The following PIK3AP1 variants were observed in gnomAD, a reference collection of about 807,000 sequenced individuals.
PIK3AP1 encodes the protein phosphoinositide-3-kinase adaptor protein 1.
In PIK3AP1, 21 loss-of-function variants were observed where a neutral mutation model predicts 88.1. The observed-to-expected ratio is 0.24, with a 90% CI of 0.17 to 0.34. The LOEUF (loss-of-function observed/expected upper bound fraction) is 0.34, where lower values mean the gene tolerates loss of function less well. Ranked by LOEUF, PIK3AP1 falls within the 10% of genes least tolerant of loss-of-function variation. The pLI, the probability that PIK3AP1 is intolerant of heterozygous loss-of-function variation, is 1.00. For synonymous variants in PIK3AP1, 398 were observed against 400.0 expected, an observed-to-expected ratio of 1.00 and a Z score of 0.06; for missense variants, 828 against 1,035.7, an observed-to-expected ratio of 0.80 and a Z score of 2.75.
chr10:96,692,405 A>C (rs1172473), intron 2 of PIK3AP1, among the ~76,000 whole-genome samples: 90,271 of 151,852 alleles, frequency 0.59, 29,160 homozygotes, highest in African/African-American at 0.87. Flanking sequence ...GAAACCCCAT[A>C]TCTACTAAAA....
At chr10:96,665,130 C>A (rs1843743769) in intron 2 of PIK3AP1, among the ~76,000 whole-genome samples, 1 of 152,192 alleles carries the variant, frequency 6.6e-6, no homozygotes, top group Admixed American at 6.5e-5. Context: ...ATTAAGATGC[C>A]AGTAGCATCC....
intron 8 of PIK3AP1, among the ~76,000 whole-genome samples, chr10:96,634,716 T>C (rs933763322): frequency 2.0e-5 from 3 of 152,182 alleles, no homozygotes; most frequent in Non-Finnish European, 4.4e-5. Context: ...ACTTAGTTGG[T>C]ATATTAGTTT....
intron 15 of PIK3AP1, among the ~76,000 whole-genome samples, chr10:96,602,812 G>A (rs910375533): frequency 1.3e-5 from 2 of 152,176 alleles, no homozygotes; most frequent in Non-Finnish European, 2.9e-5. Context: ...CCCAAATTGG[G>A]CCAACTTGGA....
chr10:96,629,540 G>A (rs1843208715), intron 8 of PIK3AP1, among the ~76,000 whole-genome samples: 1 of 151,352 alleles, frequency 6.6e-6, no homozygotes, highest in South Asian at 2.1e-4. Flanking sequence ...TACCCAAAGG[G>A]GGCAAAATTA....
chr10:96,601,196 G>A (rs1431178911), intron 16 of PIK3AP1, among the ~76,000 whole-genome samples: 3 of 152,090 alleles, frequency 2.0e-5, no homozygotes, highest in Non-Finnish European at 4.4e-5. Context: ...AATTGAGGCT[G>A]GGCATGGTGG....
chr10:96,620,607 C>T (rs1367510870), intron 11 of PIK3AP1, 50 bp from the exon 12 acceptor site: 1 of 1,503,182 alleles, frequency 6.7e-7, no homozygotes, highest in African/African-American at 1.4e-5. Flanking sequence ...CTGGGGACCA[C>T]TCACCAGAAG....
At chr10:96,653,233 C>T (rs1179307355) in intron 3 of PIK3AP1, among the ~76,000 whole-genome samples, 4 of 151,436 alleles carry the variant, frequency 2.6e-5, no homozygotes, top group Admixed American at 6.6e-5. Context: ...GGTGAAACCC[C>T]GCCTCTACTA....
At chr10:96,694,649 T>C (rs1844197999) in intron 2 of PIK3AP1, among the ~76,000 whole-genome samples, 1 of 150,392 alleles carries the variant, frequency 6.6e-6, no homozygotes, top group African/African-American at 2.4e-5. Flanking sequence ...TCCTCCCACC[T>C]CAGTCTCTCA....
intron 8 of PIK3AP1, among the ~76,000 whole-genome samples, chr10:96,638,192 G>T (rs1843337971): frequency 6.6e-6 from 1 of 152,144 alleles, no homozygotes. Context: ...CTCATGAATG[G>T]ATTAATGTTG....
intron 11 of PIK3AP1, among the ~76,000 whole-genome samples, chr10:96,622,298 CAT>C (rs1843094770): frequency 6.6e-6 from 1 of 152,220 alleles, no homozygotes; most frequent in South Asian, 2.1e-4. Flanking sequence ...AGCCAACCCT[CAT>C]CTCTCTACAG....
In PIK3AP1 at chr10:96,709,989, C is replaced by G; in HGVS notation, c.14-6G>C. 1 of 1,572,016 alleles carries G rather than the reference C, an allele frequency of 6.4e-7. No homozygotes were observed. Among genetic ancestry groups the G allele is most frequent in the Non-Finnish European group, 8.7e-7 (1 of 1,153,202 alleles). ...GTCGCATCCTCTGGGCACCCCTGGA[C>G]AAGAATGAGGCACAGAAGCATGTTA... On this transcript the variant is annotated splice_region_variant and splice_polypyrimidine_tract_variant and intron_variant, in intron 1 of 16. Coordinates refer to ENST00000339364, the MANE Select transcript of PIK3AP1 (RefSeq NM_152309.3).
chr10:96,617,338 T>C (rs939808141), intron 12 of PIK3AP1, among the ~76,000 whole-genome samples: 3 of 152,208 alleles, frequency 2.0e-5, no homozygotes, highest in African/African-American at 7.2e-5. Context: ...TTTAGTCAAT[T>C]AACAATAACG....
chr10:96,669,833 G>A (rs1843817901), intron 2 of PIK3AP1, among the ~76,000 whole-genome samples: 1 of 151,838 alleles, frequency 6.6e-6, no homozygotes, highest in Non-Finnish European at 1.5e-5. Flanking sequence ...GCACCAACTT[G>A]TACGATGAGA....
chr10:96,635,530 G>A (rs1036432), intron 8 of PIK3AP1, among the ~76,000 whole-genome samples: 44,847 of 152,020 alleles, frequency 0.3, 7,057 homozygotes, highest in South Asian at 0.45. Flanking sequence ...TTCCATTTTC[G>A]TGGCAAACAT....
rs151052422 is a variant in PIK3AP1 at position 96,690,537 on chromosome 10, G to A, written c.430+19030C>T. On this transcript the variant is annotated intron_variant, in intron 2 of 16. Coordinates refer to ENST00000339364, the MANE Select transcript of PIK3AP1 (RefSeq NM_152309.3). ...GGCTCCCAAAGTGCTGGAATTATAG[G>A]TGTGAACCATTGCACCCAGCCCAAA... is the stretch of plus-strand genomic sequence containing the variant. Among the ~76,000 whole-genome samples, 1,001 of 152,236 alleles carry A rather than the reference G, an allele frequency of 6.6e-3. 7 individuals are homozygous for A. The highest frequency in any genetic ancestry group is 0.013 in the Admixed American group (192 of 15,298).
At chr10:96,701,012 C>T (rs996517361) in intron 2 of PIK3AP1, 11 of 406,062 alleles carry the variant, frequency 2.7e-5, no homozygotes, top group Non-Finnish European at 3.3e-5. Flanking sequence ...ACCCAAAAAC[C>T]GAAAGACAAG....
intron 14 of PIK3AP1, among the ~76,000 whole-genome samples, chr10:96,608,327 G>A (rs1849038757): frequency 6.6e-6 from 1 of 152,198 alleles, no homozygotes; most frequent in African/African-American, 2.4e-5. Context: ...TGTGATCCCT[G>A]AGGACATCTC....
At chr10:96,615,925 T>C (rs1849208234) in intron 13 of PIK3AP1, among the ~76,000 whole-genome samples, 1 of 152,082 alleles carries the variant, frequency 6.6e-6, no homozygotes, top group Non-Finnish European at 1.5e-5. Flanking sequence ...TAGGGCTCCA[T>C]TCAAGATCTG....
chr10:96,664,553 T>A (rs112328610), intron 2 of PIK3AP1, among the ~76,000 whole-genome samples: 7 of 150,762 alleles, frequency 4.6e-5, no homozygotes, highest in African/African-American at 1.5e-4. Context: ...ATCATTTTTT[T>A]AAAATAGGCA....
Sources: gnomAD v4.1 joint callset for allele counts (sites outside exome capture counted in the v4.1 genomes callset) on GRCh38, gnomAD v4.1.1 for gene constraint, MANE v1.5 for transcripts, NCBI Gene and HGNC (gene_info 2026-07-23, HGNC 2026-07-21) for gene names.